ZEB2: variants seen among roughly 807,000 people sequenced by gnomAD.
ZEB2 encodes the protein zinc finger E-box-binding homeobox 2.
A neutral mutation model predicts 99.9 loss-of-function variants in ZEB2; 6 were observed. The ratio of observed to expected loss-of-function variants is 0.06; its 90% CI spans 0.03 to 0.12. The LOEUF is 0.12. ZEB2 is among the 10% of genes least tolerant of loss of function. The pLI is 1.00. For missense variants in ZEB2, 969 were observed against 1,502.8 expected (o/e 0.64, Z 5.87); for synonymous variants, 517 against 542.5 (o/e 0.95, Z 0.65).
At chr2:144,511,583 T>C in intron 2 of ZEB2, 2 of 1,279,718 alleles carry the variant, frequency 1.6e-6, no homozygotes, top group Non-Finnish European at 2.0e-6. Flanking sequence ...GGATCTTACT[T>C]TTTAAAAGTT....
chr2:144,489,610 G>A (rs1704647774), intron 2 of ZEB2, among the ~76,000 whole-genome samples: 1 of 152,222 alleles, frequency 6.6e-6, no homozygotes, highest in Non-Finnish European at 1.5e-5. Flanking sequence ...CTCTGCTGCA[G>A]CAGTGAGCTG....
At chr2:144,471,806 T>C (rs1704359978) in intron 2 of ZEB2, among the ~76,000 whole-genome samples, 1 of 152,034 alleles carries the variant, frequency 6.6e-6, no homozygotes, top group South Asian at 2.1e-4. Context: ...TTTTTTTTAA[T>C]TGATGTTATT....
In ZEB2 at chr2:144,396,452, C is replaced by A; in HGVS notation, c.3027G>T (p.Gln1009His). The change falls in exon 9 of 10, where the codon CAG (glutamine) becomes CAT (histidine). Residue 1009 changes from glutamine (Q) to histidine (H), a missense_variant. Coordinates refer to ENST00000627532, the MANE Select transcript of ZEB2 (RefSeq NM_014795.4). ...YACDLCDKTF[Q>H]KSSSLLRHKY... ...TATGTCGCAGAAGGGAACTGCTTTT[C>A]TGGAATGTCTTGTCACATAAGTCAC... The A allele has an allele frequency of 1.9e-6, 3 of 1,614,070 alleles. No homozygotes were observed. The highest frequency in any genetic ancestry group is 2.5e-6 in the Non-Finnish European group (3 of 1,180,006).
At chr2:144,515,361 A>T (rs953283548) in intron 2 of ZEB2, among the ~76,000 whole-genome samples, 6 of 152,142 alleles carry the variant, frequency 3.9e-5, no homozygotes, top group African/African-American at 1.4e-4. Flanking sequence ...ACCAACATTT[A>T]ATAAAAGGAA....
At chr2:144,477,102 A>C (rs1487509733) in intron 2 of ZEB2, among the ~76,000 whole-genome samples, 2 of 152,192 alleles carry the variant, frequency 1.3e-5, no homozygotes, top group Non-Finnish European at 2.9e-5. Context: ...CTGAGGCCCT[A>C]CCCTATTTTA....
chr2:144,508,718 C>T (rs897862327), intron 2 of ZEB2, among the ~76,000 whole-genome samples: 7 of 151,928 alleles, frequency 4.6e-5, no homozygotes, highest in African/African-American at 7.3e-5. Context: ...ATAGGCAGTA[C>T]TTCCCCCTTG....
rs949029807 is a variant in ZEB2 at position 144,512,706 on chromosome 2, A to C, written c.73+4572T>G. 3 of 1,287,118 alleles carry C rather than the reference A, an allele frequency of 2.3e-6. No individual in the cohort carries two copies. The African/African-American group carries it at 4.6e-5, about 20-fold the overall frequency. The allele number at this position is 1,287,118 out of a possible 1,614,324, so 79.7% of individuals were successfully genotyped here. ...CAGCAGCCTACTGGCTCTGCTACGAAGGAAAGCATGTTTCTACCCCAATTG... is the reference window on the plus strand; with the variant it reads ...CAGCAGCCTACTGGCTCTGCTACGACGGAAAGCATGTTTCTACCCCAATTG... On this transcript the variant is annotated intron_variant, in intron 2 of 9. Coordinates refer to ENST00000627532, the MANE Select transcript of ZEB2 (RefSeq NM_014795.4).
At chr2:144,401,700 A>G (rs1703313032) in intron 6 of ZEB2, among the ~76,000 whole-genome samples, 1 of 152,210 alleles carries the variant, frequency 6.6e-6, no homozygotes, top group Admixed American at 6.5e-5. Flanking sequence ...TATTTTCCTG[A>G]AAATTCTGAA....
At chr2:144,407,761 G>T (rs1421830858) in intron 4 of ZEB2, among the ~76,000 whole-genome samples, 2 of 152,206 alleles carry the variant, frequency 1.3e-5, no homozygotes, top group East Asian at 3.9e-4. Context: ...TTATGTTAAG[G>T]GTTAAGACAT....
intron 4 of ZEB2, among the ~76,000 whole-genome samples, chr2:144,421,719 G>T (rs1703621186): frequency 6.8e-6 from 1 of 147,444 alleles, no homozygotes; most frequent in African/African-American, 2.5e-5. Flanking sequence ...CAGGAGCCCT[G>T]GCCTCAGCTT....
intron 5 of ZEB2, 127 bp from the exon 6 acceptor site, chr2:144,404,257 A>T: frequency 9.3e-7 from 1 of 1,069,592 alleles, no homozygotes; most frequent in Non-Finnish European, 1.4e-6. Context: ...GAGTGCCATC[A>T]TTGCACCCGG....
At chr2:144,512,026 C>G in intron 2 of ZEB2, 1 of 1,287,158 alleles carries the variant, frequency 7.8e-7, no homozygotes, top group Non-Finnish European at 1.0e-6. Context: ...AAAGAGCAAT[C>G]AAAAAGGTGT....
chr2:144,411,362 A>G (rs1278694759), intron 4 of ZEB2, among the ~76,000 whole-genome samples: 1 of 152,044 alleles, frequency 6.6e-6, no homozygotes, highest in Non-Finnish European at 1.5e-5. Flanking sequence ...AGTCATTTGT[A>G]TTGAGTTTTT....
intron 2 of ZEB2, among the ~76,000 whole-genome samples, chr2:144,491,419 T>G (rs951945999): frequency 1.3e-5 from 2 of 150,984 alleles, no homozygotes; most frequent in Non-Finnish European, 2.9e-5. Flanking sequence ...AAAGTGAAGG[T>G]AACAGTTTGT....
At chr2:144,460,868 T>C (rs1290858338) in intron 2 of ZEB2, among the ~76,000 whole-genome samples, 3 of 152,036 alleles carry the variant, frequency 2.0e-5, no homozygotes, top group Non-Finnish European at 4.4e-5. Context: ...TGTCCAACCA[T>C]AATTCTAAAA....
intron 2 of ZEB2, among the ~76,000 whole-genome samples, chr2:144,445,577 A>AGGT (rs2149897711): frequency 6.6e-6 from 1 of 152,268 alleles, no homozygotes; most frequent in African/African-American, 2.4e-5. Context: ...GAAGATGCTT[A>AGGT]GGTGGTACCT....
chr2:144,425,065 G>T, intron 3 of ZEB2, 198 bp from the exon 4 acceptor site: 1 of 593,598 alleles, frequency 1.7e-6, no homozygotes, highest in South Asian at 2.0e-5. Flanking sequence ...TTTACTTTAA[G>T]CATTACTGCA....
chr2:144,414,417 T>C (rs1248096799), intron 4 of ZEB2, among the ~76,000 whole-genome samples: 3 of 152,160 alleles, frequency 2.0e-5, no homozygotes, highest in Non-Finnish European at 4.4e-5. Flanking sequence ...TGCTGGGCCC[T>C]GTGCGACTGT....
intron 2 of ZEB2, among the ~76,000 whole-genome samples, chr2:144,516,945 C>T (rs1419214022): frequency 3.3e-5 from 5 of 151,276 alleles, no homozygotes; most frequent in Admixed American, 6.6e-5. Flanking sequence ...CCCGGCGGGC[C>T]GGGCGCGAGC....
Sources: allele counts gnomAD v4.1 joint callset (sites outside exome capture counted in the v4.1 genomes callset), GRCh38; gene constraint gnomAD v4.1.1; transcripts MANE v1.5; gene names NCBI Gene and HGNC (gene_info 2026-07-23, HGNC 2026-07-21).